The following CNTN5 variants were observed in gnomAD, a reference collection of about 807,000 sequenced individuals.
The protein encoded by CNTN5 is contactin 5.
CNTN5 carries 77 observed loss-of-function variants against 129.1 expected under a neutral mutation model. That is an observed-to-expected ratio of 0.60 (90% CI 0.50 to 0.72). The LOEUF (loss-of-function observed/expected upper bound fraction) is 0.72, where lower values mean the gene tolerates loss of function less well. CNTN5 is among the 30% of genes least tolerant of loss of function. The pLI, the probability that CNTN5 is intolerant of heterozygous loss-of-function variation, is 0.00. For missense variants in CNTN5, 1,478 were observed against 1,328.8 expected (o/e 1.11, Z -1.75); for synonymous variants, 509 against 465.6 (o/e 1.09, Z -1.20).
intron 1 of CNTN5, among the ~76,000 whole-genome samples, chr11:99,039,925 A>G (rs950399736): frequency 6.6e-6 from 1 of 151,940 alleles, no homozygotes; most frequent in Non-Finnish European, 1.5e-5. Context: ...TTAAGAAAAA[A>G]CTCAAACTTT....
chr11:100,139,401 C>T (rs1946621505), intron 13 of CNTN5, among the ~76,000 whole-genome samples: 1 of 152,100 alleles, frequency 6.6e-6, no homozygotes, highest in Non-Finnish European at 1.5e-5. Context: ...GAAAGTATTT[C>T]AAGGAGAAGA....
In CNTN5 at chr11:99,653,074, A is replaced by G. The variant is rs566977264; in HGVS notation, c.55+96805A>G. ...ACAATTGTTTATACATCAAATCTGA[A>G]TTCACTGGTTTCAATTTTATTGGTG... On this transcript the variant is annotated intron_variant, in intron 3 of 24. Coordinates refer to ENST00000524871, the MANE Select transcript of CNTN5 (RefSeq NM_014361.4). Among the ~76,000 whole-genome samples, 370 of 152,152 alleles carry G rather than the reference A, an allele frequency of 2.4e-3. 3 individuals carry two copies. Among genetic ancestry groups the G allele is most frequent in the Non-Finnish European group, 2.5e-3 (169 of 67,944 alleles).
chr11:99,180,090 G>T lies in CNTN5; in HGVS notation c.-209-145256G>T, dbSNP rs532110182. On this transcript the variant is annotated intron_variant, in intron 1 of 24. Coordinates refer to ENST00000524871, the MANE Select transcript of CNTN5 (RefSeq NM_014361.4). ...GGGAAACACGGGAGGGAGAAGAAAA[G>T]ACACACACACACTACCTTAAAGGGT... Among the ~76,000 whole-genome samples, 4 of 152,154 alleles carry T rather than the reference G, an allele frequency of 2.6e-5. No homozygotes were observed. The South Asian group carries it at 8.3e-4, about 32-fold the overall frequency.
chr11:99,287,834 G>A (rs1462414247), intron 1 of CNTN5, among the ~76,000 whole-genome samples: 1 of 147,934 alleles, frequency 6.8e-6, no homozygotes, highest in African/African-American at 2.6e-5. Flanking sequence ...TAAGTTAGAA[G>A]GAGGAGGAAA....
intron 24 of CNTN5, among the ~76,000 whole-genome samples, chr11:100,351,510 C>T (rs767777834): frequency 4.6e-5 from 7 of 151,132 alleles, no homozygotes; most frequent in South Asian, 2.1e-4. Flanking sequence ...TACTAAGTTT[C>T]GGAACCAGGA....
chr11:99,764,108 T>C (rs144324546), intron 3 of CNTN5, among the ~76,000 whole-genome samples: 32 of 152,242 alleles, frequency 2.1e-4, no homozygotes, highest in Non-Finnish European at 3.8e-4. Context: ...TACAAATATG[T>C]GATAGTATAT....
chr11:100,190,021 A>G (rs1216254028), intron 13 of CNTN5, among the ~76,000 whole-genome samples: 1 of 152,116 alleles, frequency 6.6e-6, no homozygotes, highest in African/African-American at 2.4e-5. Context: ...ACGAAGTTCA[A>G]TGCTCTAAAT....
rs58715495 is a variant in CNTN5, at chr11:99,461,660, G to T, written c.-70-94485G>T. Among the ~76,000 whole-genome samples, 888 of 152,026 alleles carry T rather than the reference G, an allele frequency of 5.8e-3. 14 individuals carry two copies. Among genetic ancestry groups the T allele is most frequent in the African/African-American group, 0.02 (818 of 41,398 alleles). On this transcript the variant is annotated intron_variant, in intron 2 of 24. Transcript: ENST00000524871. ...CTGACTGGAGCTGAGCCTGTCAAAA[G>T]TTGTATTCTAGTATTCTAATCCTAG... is the stretch of plus-strand genomic sequence containing the variant.
intron 1 of CNTN5, among the ~76,000 whole-genome samples, chr11:99,221,058 T>C (rs1426076181): frequency 2.6e-5 from 4 of 151,870 alleles, no homozygotes; most frequent in African/African-American, 9.7e-5. Flanking sequence ...CTGAGTGAGA[T>C]AGAGAGCTAT....
chr11:100,202,580 G>T (rs1244191819), intron 15 of CNTN5, among the ~76,000 whole-genome samples: 2 of 150,996 alleles, frequency 1.3e-5, no homozygotes, highest in African/African-American at 2.4e-5. Context: ...AGCCGTATAA[G>T]TCAGATTATT....
intron 8 of CNTN5, among the ~76,000 whole-genome samples, chr11:99,977,615 G>T (rs1460001913): frequency 6.6e-6 from 1 of 152,182 alleles, no homozygotes; most frequent in Non-Finnish European, 1.5e-5. Context: ...GAGAGTGAAG[G>T]TGGAAATGCC....
rs559385714 is a variant in CNTN5, at chr11:99,325,453, A to G, written c.-102A>G. Reference sequence around the variant, plus strand: ...TACAGATACCAGTTCCTTTGTCAAGAGCATACTTTGGACCCTGTTTTCAGA... The same window carrying G: ...TACAGATACCAGTTCCTTTGTCAAGGGCATACTTTGGACCCTGTTTTCAGA... On this transcript the variant is annotated 5_prime_UTR_variant, in exon 2 of 25. Transcript: ENST00000524871. The G allele has an allele frequency of 6.6e-6, 1 of 152,292 alleles. No homozygotes were observed. Among genetic ancestry groups the G allele is most frequent in the East Asian group, 1.9e-4 (1 of 5,178 alleles). The allele number at this position is 152,292 out of a possible 1,614,324, so 9.4% of individuals were successfully genotyped here.
chr11:99,874,525 A>G (rs1297947510), intron 6 of CNTN5, among the ~76,000 whole-genome samples: 2 of 152,158 alleles, frequency 1.3e-5, no homozygotes, highest in African/African-American at 4.8e-5. Context: ...GTTAGTAGCT[A>G]TTGACGGATA....
intron 1 of CNTN5, among the ~76,000 whole-genome samples, chr11:99,183,330 T>C (rs1591324706): frequency 6.6e-6 from 1 of 152,152 alleles, no homozygotes; most frequent in African/African-American, 2.4e-5. Flanking sequence ...CAAACCATTC[T>C]GTAGAAATTA....
chr11:99,539,386 A>G (rs1415382580), intron 2 of CNTN5, among the ~76,000 whole-genome samples: 2 of 152,100 alleles, frequency 1.3e-5, no homozygotes, highest in African/African-American at 4.8e-5. Flanking sequence ...TTTTCTCCAC[A>G]TGACCCAAAT....
chr11:99,518,276 A>G (rs1352946794), intron 2 of CNTN5, among the ~76,000 whole-genome samples: 3 of 152,146 alleles, frequency 2.0e-5, no homozygotes, highest in African/African-American at 7.2e-5. Context: ...AGCATTGTTA[A>G]GACTCAGGTC....
At position 99,877,727 on chromosome 11, in the gene CNTN5, A is replaced by G. The variant is rs1042269978; in HGVS notation, c.577+32465A>G. On this transcript the variant is annotated intron_variant, in intron 6 of 24. Transcript: ENST00000524871. ...AATATACAATACTGTGCAGCTTTAT[A>G]CAGTACTATATCTGCATTTGCATTA... is the stretch of plus-strand genomic sequence containing the variant. Among the ~76,000 whole-genome samples, 5 of 152,362 alleles carry G rather than the reference A, an allele frequency of 3.3e-5. No homozygotes were observed. In the South Asian group the frequency reaches 8.3e-4, roughly 25 times the overall value.
chr11:99,376,025 A>G (rs745387383), intron 2 of CNTN5, among the ~76,000 whole-genome samples: 7 of 152,248 alleles, frequency 4.6e-5, no homozygotes, highest in Admixed American at 2.6e-4. Context: ...TACCAAAGAT[A>G]TAATGAATAT....
intron 1 of CNTN5, among the ~76,000 whole-genome samples, chr11:99,055,482 C>T (rs1211914326): frequency 6.6e-6 from 1 of 151,916 alleles, no homozygotes; most frequent in Admixed American, 6.6e-5. Context: ...ATAGTCAGGT[C>T]AGTCAATAAG....
Sources: allele counts gnomAD v4.1 joint callset (sites outside exome capture counted in the v4.1 genomes callset), GRCh38; gene constraint gnomAD v4.1.1; transcripts MANE v1.5; gene names NCBI Gene and HGNC (gene_info 2026-07-23, HGNC 2026-07-21).